The following PDE1A variants were observed in gnomAD, a reference collection of about 807,000 sequenced individuals.
PDE1A encodes the protein dual specificity calcium/calmodulin-dependent 3',5'-cyclic nucleotide phosphodiesterase 1A.
PDE1A carries 35 observed loss-of-function variants against 61.7 expected under a neutral mutation model. The observed-to-expected ratio is 0.57, with a 90% CI of 0.43 to 0.75. The LOEUF (loss-of-function observed/expected upper bound fraction) is 0.75. PDE1A is among the 30% of genes least tolerant of loss of function. PDE1A has a pLI of 0.00. For synonymous variants in PDE1A, 232 were observed against 213.2 expected, an observed-to-expected ratio of 1.09 and a Z score of -0.77; for missense variants, 597 against 630.6, an observed-to-expected ratio of 0.95 and a Z score of 0.57.
chr2:182,220,005 C>T (rs1016649675), intron 7 of PDE1A, among the ~76,000 whole-genome samples: 2 of 151,930 alleles, frequency 1.3e-5, no homozygotes, highest in African/African-American at 4.8e-5. Flanking sequence ...TGATAGTCTG[C>T]CAGATAAACC....
intron 1 of PDE1A, among the ~76,000 whole-genome samples, chr2:182,386,012 G>A (rs185478013): frequency 1.7e-4 from 26 of 152,316 alleles, no homozygotes; most frequent in East Asian, 3.9e-4. Flanking sequence ...GGCGTGTGCC[G>A]CCACGCCTGA....
intron 1 of PDE1A, among the ~76,000 whole-genome samples, chr2:182,390,005 GCTTCCCTAC>G (rs1376426336): frequency 6.6e-6 from 1 of 152,166 alleles, no homozygotes; most frequent in Non-Finnish European, 1.5e-5. Context: ...TGATCTGTCA[GCTTCCCTAC>G]CTTTGAGGTT....
At chr2:182,683,180 C>T in the PDE1A span, among the ~76,000 whole-genome samples, 6 of 150,880 alleles carry the variant, frequency 4.0e-5, no homozygotes, top group Non-Finnish European at 5.9e-5. Context: ...GCAACCTCCG[C>T]CCCCCAGGTT....
chr2:182,440,443 C>A (rs1684714972), intron 2 of PDE1A, among the ~76,000 whole-genome samples: 1 of 151,996 alleles, frequency 6.6e-6, no homozygotes, highest in South Asian at 2.1e-4. Context: ...TATAGGCATG[C>A]CTTTAAATCA....
At chr2:182,503,718 T>A (rs1054863735) in intron 2 of PDE1A, among the ~76,000 whole-genome samples, 5 of 152,164 alleles carry the variant, frequency 3.3e-5, no homozygotes, top group Non-Finnish European at 7.3e-5. Flanking sequence ...AAATACAGAC[T>A]TTTGAAACTC....
chr2:182,675,046 T>G, the PDE1A span, among the ~76,000 whole-genome samples: 3 of 152,142 alleles, frequency 2.0e-5, no homozygotes, highest in Admixed American at 6.5e-5. Flanking sequence ...CAGATTATTT[T>G]GTCACCCAGC....
chr2:182,612,943 T>C, the PDE1A span, among the ~76,000 whole-genome samples: 3 of 152,240 alleles, frequency 2.0e-5, no homozygotes, highest in Non-Finnish European at 2.9e-5. Context: ...AGTTTTTTTA[T>C]CTTTTCATGA....
intron 1 of PDE1A, among the ~76,000 whole-genome samples, chr2:182,331,978 AGTACACCAATCAAAC>A (rs1468787583): frequency 6.6e-6 from 1 of 152,144 alleles, no homozygotes; most frequent in Non-Finnish European, 1.5e-5. Context: ...CTCACTTTCA[AGTACACCAATCAAAC>A]GTAGGTTTGG....
chr2:182,264,283 A>G lies in PDE1A; in HGVS notation c.167+18T>C, dbSNP rs368482018. ...GAGAGAATCAAAGAAGATAAAAGAGAAGAAGGTTAAAACTTACCTTGTTTC... is the reference window on the plus strand; with the variant it reads ...GAGAGAATCAAAGAAGATAAAAGAGGAGAAGGTTAAAACTTACCTTGTTTC... On this transcript the variant is annotated intron_variant, in intron 2 of 13. Transcript: ENST00000351439. 74 of 1,499,818 alleles carry G rather than the reference A, an allele frequency of 4.9e-5. No homozygotes were observed. In the African/African-American group the frequency reaches 9.9e-4, roughly 20 times the overall value. 92.9% of individuals were successfully genotyped at this position (1,499,818 alleles called of 1,614,324 possible).
the PDE1A span, among the ~76,000 whole-genome samples, chr2:182,536,701 C>T: frequency 6.6e-6 from 1 of 152,170 alleles, no homozygotes; most frequent in Non-Finnish European, 1.5e-5. Flanking sequence ...CCCCTCCTCC[C>T]TTGAAGCTGG....
chr2:182,229,948 G>C, intron 6 of PDE1A, 58 bp downstream of exon 6: 1 of 1,362,274 alleles, frequency 7.3e-7, no homozygotes, highest in Non-Finnish European at 1.0e-6. Context: ...AAACTTATAG[G>C]AATGGAAGTT....
At chr2:182,681,501 C>CA in the PDE1A span, among the ~76,000 whole-genome samples, 5 of 135,674 alleles carry the variant, frequency 3.7e-5, no homozygotes, top group South Asian at 2.3e-4. Flanking sequence ...TTTTTGTGCA[C>CA]AAAAAAAACC....
the PDE1A span, among the ~76,000 whole-genome samples, chr2:182,607,604 T>G: frequency 6.6e-6 from 1 of 152,202 alleles, no homozygotes; most frequent in Admixed American, 6.5e-5. Flanking sequence ...CATCCACGTT[T>G]GGTTGAAAAA....
intron 1 of PDE1A, among the ~76,000 whole-genome samples, chr2:182,357,954 G>A (rs555708814): frequency 6.6e-6 from 1 of 152,292 alleles, no homozygotes; most frequent in South Asian, 2.1e-4. Context: ...ACTGATGCCT[G>A]CAGATCAAGG....
the PDE1A span, among the ~76,000 whole-genome samples, chr2:182,660,273 C>T: frequency 2.6e-5 from 4 of 152,118 alleles, no homozygotes; most frequent in East Asian, 7.7e-4. Context: ...TTCATTGACA[C>T]CTTAAGATGA....
At chr2:182,583,722 T>C in the PDE1A span, among the ~76,000 whole-genome samples, 1 of 152,214 alleles carries the variant, frequency 6.6e-6, no homozygotes, top group Admixed American at 6.5e-5. Flanking sequence ...TTCTGCATTA[T>C]TCACATCAAA....
intron 1 of PDE1A, among the ~76,000 whole-genome samples, chr2:182,414,757 C>T (rs1366224309): frequency 1.3e-5 from 2 of 151,966 alleles, no homozygotes; most frequent in Non-Finnish European, 2.9e-5. Flanking sequence ...GAGCTAAATT[C>T]CAACTGAGCT....
chr2:182,348,271 T>G (rs1698640853), intron 1 of PDE1A, among the ~76,000 whole-genome samples: 1 of 152,164 alleles, frequency 6.6e-6, no homozygotes, highest in Admixed American at 6.6e-5. Flanking sequence ...TTGTGTATGT[T>G]GCCAGGAATC....
rs557221748 is a variant in PDE1A, at chr2:182,344,616, T to C, written c.54-80202A>G. On this transcript the variant is annotated intron_variant, in intron 1 of 13. Transcript: ENST00000351439. ...AGAAATATTCAGTACCAAAAGTGTA[T>C]TTCTATCTTTACCTTTGCAAGATGG... 8.5e-4 allele frequency among the ~76,000 whole-genome samples: 130 copies of C among 152,314 alleles called. 5 individuals carry two copies. In the South Asian group the frequency reaches 0.025, roughly 30 times the overall value.
Sources: allele counts gnomAD v4.1 joint callset (sites outside exome capture counted in the v4.1 genomes callset), GRCh38; gene constraint gnomAD v4.1.1; transcripts MANE v1.5; gene names NCBI Gene and HGNC (gene_info 2026-07-23, HGNC 2026-07-21).